The following SLC39A11 variants were observed in gnomAD, a reference collection of about 807,000 sequenced individuals.
SLC39A11 encodes the protein zinc transporter ZIP11.
SLC39A11 carries 33 observed loss-of-function variants against 36.1 expected under a neutral mutation model. The observed-to-expected ratio is 0.91, with a 90% confidence interval of 0.69 to 1.22. The LOEUF is 1.22. SLC39A11 is among the 50% of genes most tolerant of loss of function. The pLI, the probability that SLC39A11 is intolerant of heterozygous loss-of-function variation, is 0.00. For missense variants in SLC39A11, 432 were observed against 430.3 expected (o/e 1.00, Z -0.03); for synonymous variants, 166 against 170.3 (o/e 0.97, Z 0.20).
intron 3 of SLC39A11, among the ~76,000 whole-genome samples, chr17:73,034,044 C>A (rs1424960171): frequency 1.3e-5 from 2 of 152,192 alleles, no homozygotes; most frequent in African/African-American, 2.4e-5. Context: ...ATGAGCCGGG[C>A]TGTCAATAAA....
chr17:72,740,861 G>A (rs1369006870), intron 6 of SLC39A11, among the ~76,000 whole-genome samples: 1 of 152,018 alleles, frequency 6.6e-6, no homozygotes. Flanking sequence ...CGCAACCTCC[G>A]CCTCCCAGGT....
chr17:72,933,717 A>T (rs1345008429), intron 5 of SLC39A11, among the ~76,000 whole-genome samples: 1 of 152,072 alleles, frequency 6.6e-6, no homozygotes, highest in Non-Finnish European at 1.5e-5. Flanking sequence ...ATGGGGTTTC[A>T]CCATGTTGGC....
At position 73,026,415 on chromosome 17, in the gene SLC39A11, T is replaced by G. The variant is rs569941955; in HGVS notation, c.306+5141A>C. Reference sequence around the variant, plus strand: ...CTGTAATCCCAGATAGTTGGGAGACTGAGGCAGGAGAATCGCCTGAACCCG... The same window carrying G: ...CTGTAATCCCAGATAGTTGGGAGACGGAGGCAGGAGAATCGCCTGAACCCG... On this transcript the variant is annotated intron_variant, in intron 4 of 9. Coordinates refer to ENST00000255559, the MANE Select transcript of SLC39A11 (RefSeq NM_139177.4). 2.0e-3 allele frequency among the ~76,000 whole-genome samples: 297 copies of G among 150,154 alleles called. 1 individual carries two copies. The highest frequency in any genetic ancestry group is 6.8e-3 in the African/African-American group (279 of 40,774).
At chr17:72,726,984 C>T (rs2073957146) in intron 7 of SLC39A11, among the ~76,000 whole-genome samples, 1 of 152,214 alleles carries the variant, frequency 6.6e-6, no homozygotes, top group Admixed American at 6.5e-5. Context: ...CCATGGCACA[C>T]TAAAGTTCGC....
At chr17:72,673,589 T>C (rs1489701100) in intron 7 of SLC39A11, among the ~76,000 whole-genome samples, 1 of 152,198 alleles carries the variant, frequency 6.6e-6, no homozygotes, top group Admixed American at 6.5e-5. Context: ...AGCCTTGTAG[T>C]ATCTGTTCAA....
At chr17:72,885,361 AGTAATTT>A (rs2081393162) in intron 5 of SLC39A11, among the ~76,000 whole-genome samples, 1 of 152,196 alleles carries the variant, frequency 6.6e-6, no homozygotes, top group South Asian at 2.1e-4. Context: ...TAATTTGATT[AGTAATTT>A]TTTACAACTC....
chr17:72,922,991 CA>C (rs1224198293), intron 5 of SLC39A11, among the ~76,000 whole-genome samples: 1 of 75,766 alleles, frequency 1.3e-5, no homozygotes, highest in Non-Finnish European at 3.0e-5. Context: ...AAAAAAAAAA[CA>C]CACAGAAAAT....
chr17:72,920,134 G>A (rs907360136), intron 5 of SLC39A11, among the ~76,000 whole-genome samples: 1 of 151,942 alleles, frequency 6.6e-6, no homozygotes, highest in East Asian at 1.9e-4. Context: ...ACCAAACACG[G>A]CCAGAACCAC....
At chr17:72,845,267 C>G (rs926922220) in intron 6 of SLC39A11, among the ~76,000 whole-genome samples, 1 of 152,238 alleles carries the variant, frequency 6.6e-6, no homozygotes, top group African/African-American at 2.4e-5. Flanking sequence ...TCTTATGCCT[C>G]CAAGTTCCAT....
chr17:73,052,420 C>G (rs886245920), intron 3 of SLC39A11, among the ~76,000 whole-genome samples: 23 of 151,732 alleles, frequency 1.5e-4, no homozygotes, highest in Admixed American at 5.9e-4. Flanking sequence ...TTTTCCACCA[C>G]GCAGAACAAA....
chr17:72,860,731 A>G (rs1387505821), intron 5 of SLC39A11, among the ~76,000 whole-genome samples: 1 of 152,206 alleles, frequency 6.6e-6, no homozygotes, highest in Non-Finnish European at 1.5e-5. Flanking sequence ...GTGTCATTGC[A>G]AAGAAAGCAG....
In SLC39A11 at chr17:73,068,826, C is replaced by T. The variant is rs868619432; in HGVS notation, c.147+15982G>A. ...CATCCTGTTTCTCAACTGCCAGCCT[C>T]CCCCTGTGCACACGCATGGCCAGTC... On this transcript the variant is annotated intron_variant, in intron 3 of 9. Transcript: ENST00000255559. 1.1e-4 allele frequency among the ~76,000 whole-genome samples: 17 copies of T among 152,246 alleles called. No homozygotes were observed. The Middle Eastern group carries it at 0.01, about 91-fold the overall frequency.
chr17:72,691,527 G>T (rs1038352625), intron 7 of SLC39A11, among the ~76,000 whole-genome samples: 1 of 152,122 alleles, frequency 6.6e-6, no homozygotes, highest in Non-Finnish European at 1.5e-5. Context: ...TGACGGTTTC[G>T]TCCTCATTCG....
intron 6 of SLC39A11, among the ~76,000 whole-genome samples, chr17:72,784,345 T>TAAAAC (rs1235992357): frequency 3.3e-5 from 5 of 152,034 alleles, no homozygotes; most frequent in East Asian, 1.9e-4. Context: ...ACTCTGTCTC[T>TAAAAC]AAAACAAAAC....
intron 6 of SLC39A11, among the ~76,000 whole-genome samples, chr17:72,795,559 T>C (rs1568105799): frequency 6.6e-6 from 1 of 152,128 alleles, no homozygotes; most frequent in Non-Finnish European, 1.5e-5. Flanking sequence ...TCCTATTTGT[T>C]AGAAGTGAAC....
chr17:72,789,450 C>T (rs1008253148), intron 6 of SLC39A11, among the ~76,000 whole-genome samples: 2 of 152,170 alleles, frequency 1.3e-5, no homozygotes, highest in African/African-American at 4.8e-5. Context: ...GCAAAGGGCA[C>T]ACGAAATGAA....
intron 6 of SLC39A11, among the ~76,000 whole-genome samples, chr17:72,780,520 T>TGGGGGGGGGGGGGGGGGGG (rs140108885): frequency 1.8e-5 from 1 of 55,554 alleles, no homozygotes; most frequent in Admixed American, 2.3e-4. Context: ...GCCCTGAAGA[T>TGGGGGGGGGGGGGGGGGGG]GGGGGGCGGG....
At chr17:73,041,012 A>C (rs888713713) in intron 3 of SLC39A11, among the ~76,000 whole-genome samples, 3 of 151,610 alleles carry the variant, frequency 2.0e-5, no homozygotes, top group African/African-American at 7.3e-5. Flanking sequence ...CAAAAAACAA[A>C]AAAAAAAAAC....
intron 5 of SLC39A11, among the ~76,000 whole-genome samples, chr17:72,868,237 C>T (rs2080410854): frequency 1.3e-5 from 2 of 151,910 alleles, no homozygotes; most frequent in African/African-American, 4.8e-5. Flanking sequence ...GCTAACTATT[C>T]CAGAGAATAA....
Sources: allele counts gnomAD v4.1 joint callset (sites outside exome capture counted in the v4.1 genomes callset), GRCh38; gene constraint gnomAD v4.1.1; transcripts MANE v1.5; gene names NCBI Gene and HGNC (gene_info 2026-07-23, HGNC 2026-07-21).